Variants in AGPS observed in about 807,000 individuals in gnomAD.
AGPS encodes alkyldihydroxyacetonephosphate synthase, peroxisomal.
Under a neutral mutation model 90.7 loss-of-function variants are expected in AGPS, and 26 were observed. That is an observed-to-expected ratio of 0.29 (90% CI 0.21 to 0.40). The LOEUF (loss-of-function observed/expected upper bound fraction) is 0.40, where lower values mean the gene tolerates loss of function less well. AGPS is among the 10% of genes least tolerant of loss of function. AGPS has a pLI of 1.00. For synonymous variants in AGPS, 294 were observed against 285.3 expected, an observed-to-expected ratio of 1.03 and a Z score of -0.31; for missense variants, 540 against 816.1, an observed-to-expected ratio of 0.66 and a Z score of 4.12.
chr2:177,502,090 T>C (rs1009849516), intron 14 of AGPS, among the ~76,000 whole-genome samples: 1 of 152,218 alleles, frequency 6.6e-6, no homozygotes, highest in Admixed American at 6.5e-5. Flanking sequence ...TGCCTTCAGA[T>C]ACTGACACTT....
intron 11 of AGPS, among the ~76,000 whole-genome samples, chr2:177,491,373 C>T (rs1439094293): frequency 6.6e-6 from 1 of 151,180 alleles, no homozygotes; most frequent in Non-Finnish European, 1.5e-5. Flanking sequence ...ATTCCCCTGT[C>T]TCAGCCTCCT....
At chr2:177,461,604 TAAAAC>T (rs1392568251) in intron 8 of AGPS, among the ~76,000 whole-genome samples, 2 of 152,188 alleles carry the variant, frequency 1.3e-5, no homozygotes, top group East Asian at 1.9e-4. Flanking sequence ...CAGCTGGCCT[TAAAAC>T]AAAAGGATGT....
At chr2:177,412,010 G>A (rs1046825228) in intron 1 of AGPS, among the ~76,000 whole-genome samples, 3 of 152,172 alleles carry the variant, frequency 2.0e-5, no homozygotes, top group African/African-American at 4.8e-5. Flanking sequence ...CATAACGGTC[G>A]AGAGCTGTGT....
chr2:177,454,218 T>C (rs886890235), intron 8 of AGPS, among the ~76,000 whole-genome samples: 6 of 151,974 alleles, frequency 3.9e-5, no homozygotes, highest in Admixed American at 3.3e-4. Context: ...TACTCACTTA[T>C]TAGGCTCTTT....
intron 3 of AGPS, among the ~76,000 whole-genome samples, chr2:177,434,997 G>GGATATATATATATATA (rs36151985): frequency 7.8e-6 from 1 of 128,160 alleles, no homozygotes; most frequent in African/African-American, 3.1e-5. Context: ...TAAACTGTAG[G>GGATATATATATATATA]TATATATATA....
intron 1 of AGPS, among the ~76,000 whole-genome samples, chr2:177,409,701 C>T (rs569456619): frequency 6.6e-6 from 1 of 152,196 alleles, no homozygotes; most frequent in East Asian, 1.9e-4. Flanking sequence ...GGGAGGGGTG[C>T]CTTCGATCTC....
intron 1 of AGPS, among the ~76,000 whole-genome samples, chr2:177,419,436 G>A (rs1219688604): frequency 6.6e-6 from 1 of 151,680 alleles, no homozygotes; most frequent in South Asian, 2.1e-4. Context: ...ATCAAACTAG[G>A]GTACTATGCC....
In AGPS at chr2:177,505,312, T is replaced by C. The variant is rs10497504; in HGVS notation, c.1476-194T>C. Among the ~76,000 whole-genome samples the C allele has an allele frequency of 0.85, 128,508 of 151,904 alleles. 54,563 individuals carry two copies. Among genetic ancestry groups the C allele is most frequent in the East Asian group, 0.98 (5,090 of 5,190 alleles). ...TTCTTTCTGTGCTTTTTTGAGAATA[T>C]GGGTAGAAGTAGTTGAGTTTATGAG... On this transcript the variant is annotated intron_variant, in intron 14 of 19. Coordinates refer to ENST00000264167, the MANE Select transcript of AGPS (RefSeq NM_003659.4).
At chr2:177,434,259 C>A in intron 2 of AGPS, 68 bp from the exon 3 acceptor site, 3 of 1,147,666 alleles carry the variant, frequency 2.6e-6, no homozygotes, top group South Asian at 1.3e-5. Flanking sequence ...TCACTGGAAG[C>A]AGAATTTAAG....
intron 1 of AGPS, among the ~76,000 whole-genome samples, chr2:177,398,198 C>G (rs1163190413): frequency 6.6e-6 from 1 of 152,118 alleles, no homozygotes; most frequent in Non-Finnish European, 1.5e-5. Context: ...GCACAAGTGA[C>G]CTGGCTTAAA....
chr2:177,422,280 A>G (rs551283715), intron 2 of AGPS, among the ~76,000 whole-genome samples: 88 of 152,270 alleles, frequency 5.8e-4, no homozygotes, highest in Non-Finnish European at 9.7e-4. Context: ...ATGTTAGGGT[A>G]TCTAGAGAAC....
chr2:177,518,216 T>C (rs968185619), intron 17 of AGPS, among the ~76,000 whole-genome samples: 12 of 152,060 alleles, frequency 7.9e-5, no homozygotes, highest in Non-Finnish European at 1.8e-4. Context: ...GGTGGATCAC[T>C]TGAGGTCAGG....
At chr2:177,488,939 T>G (rs1326366435) in intron 11 of AGPS, among the ~76,000 whole-genome samples, 2 of 152,150 alleles carry the variant, frequency 1.3e-5, no homozygotes, top group Non-Finnish European at 2.9e-5. Flanking sequence ...TATGTTAATG[T>G]TGAATTTATT....
intron 8 of AGPS, 49 bp downstream of exon 8, chr2:177,445,675 C>A (rs1158364907): frequency 7.8e-7 from 1 of 1,281,572 alleles, no homozygotes; most frequent in South Asian, 1.4e-5. Flanking sequence ...ATTCTAATAT[C>A]AATTCTGATG....
chr2:177,400,689 C>T lies in AGPS; in HGVS notation c.260+7640C>T, dbSNP rs115649506. ...TGAAATTACTAATCAGAGATTTGGC[C>T]AGGTTGCTGACCAGATTCTTGTTGT... On this transcript the variant is annotated intron_variant, in intron 1 of 19. Transcript: ENST00000264167. Among the ~76,000 whole-genome samples, 1,156 of 152,230 alleles carry T rather than the reference C, an allele frequency of 7.6e-3. 10 individuals carry two copies. The highest frequency in any genetic ancestry group is 0.013 in the Non-Finnish European group (851 of 68,010).
intron 8 of AGPS, among the ~76,000 whole-genome samples, chr2:177,457,050 G>A (rs1451236880): frequency 2.0e-5 from 3 of 152,176 alleles, no homozygotes; most frequent in Middle Eastern, 3.4e-3. Flanking sequence ...ACTCAAAACC[G>A]CACAACTACT....
rs543124634 is a variant in AGPS, at chr2:177,508,766, A to G, written c.1607+735A>G. Reference sequence around the variant, plus strand: ...ATACAATCCCTTATTCAAAATGCTCAGGACCAGAAGTGTTTGAGATTTTAG... The same window carrying G: ...ATACAATCCCTTATTCAAAATGCTCGGGACCAGAAGTGTTTGAGATTTTAG... On this transcript the variant is annotated intron_variant, in intron 16 of 19. Transcript: ENST00000264167. Among the ~76,000 whole-genome samples, 8 of 152,312 alleles carry G rather than the reference A, an allele frequency of 5.3e-5. No homozygotes were observed. The East Asian group carries it at 1.5e-3, about 29-fold the overall frequency.
chr2:177,444,317 A>T (rs1686703563), intron 7 of AGPS, among the ~76,000 whole-genome samples: 1 of 150,694 alleles, frequency 6.6e-6, no homozygotes, highest in African/African-American at 2.4e-5. Flanking sequence ...GCTACTCAGG[A>T]GGCTGAGGCA....
At chr2:177,444,748 A>T (rs1041859103) in intron 7 of AGPS, among the ~76,000 whole-genome samples, 1 of 152,212 alleles carries the variant, frequency 6.6e-6, no homozygotes. Context: ...GATCCAGAAG[A>T]AGGTTCTATA....
Sources: allele counts gnomAD v4.1 joint callset (sites outside exome capture counted in the v4.1 genomes callset), GRCh38; gene constraint gnomAD v4.1.1; transcripts MANE v1.5; gene names NCBI Gene and HGNC (gene_info 2026-07-23, HGNC 2026-07-21).